Variants in PDZRN4 observed in about 807,000 individuals in gnomAD.
PDZRN4 encodes the protein PDZ domain containing ring finger 4.
PDZRN4 carries 70 observed loss-of-function variants against 99.0 expected under a neutral mutation model. The observed-to-expected ratio is 0.71, with a 90% CI of 0.58 to 0.86. PDZRN4 has a LOEUF of 0.86. Ranked by LOEUF, PDZRN4 falls within the 40% of genes least tolerant of loss-of-function variation. The pLI is 0.00. For synonymous variants in PDZRN4, 551 were observed against 501.6 expected, an observed-to-expected ratio of 1.10 and a Z score of -1.32; for missense variants, 1,474 against 1,331.2, an observed-to-expected ratio of 1.11 and a Z score of -1.67.
intron 5 of PDZRN4, among the ~76,000 whole-genome samples, chr12:41,549,082 T>A (rs1939010450): frequency 6.6e-6 from 1 of 152,196 alleles, no homozygotes; most frequent in Admixed American, 6.5e-5. Flanking sequence ...TTCACTCTAG[T>A]GACAAATGAC....
At chr12:41,411,911 A>C (rs1223262689) in intron 3 of PDZRN4, 3 of 152,162 alleles carry the variant, frequency 2.0e-5, no homozygotes, top group Admixed American at 6.6e-5. Context: ...GTTGAGAAGA[A>C]AGGTTAGAGA....
intron 3 of PDZRN4, among the ~76,000 whole-genome samples, chr12:41,322,289 A>G (rs1033538270): frequency 1.3e-5 from 2 of 151,704 alleles, no homozygotes; most frequent in Middle Eastern, 3.2e-3. Context: ...GGCCTCCCAA[A>G]TGCTTGGATT....
In PDZRN4 at chr12:41,331,287, A is replaced by C. The variant is rs11180829; in HGVS notation, c.843+137099A>C. On this transcript the variant is annotated intron_variant, in intron 3 of 9. Transcript: ENST00000402685. Reference sequence around the variant, plus strand: ...TAAAGATGTTAAGTATATTCTTAATAATTTTCTATATTTCGGTAGGTTTAT... The same window carrying C: ...TAAAGATGTTAAGTATATTCTTAATCATTTTCTATATTTCGGTAGGTTTAT... 3.8e-3 allele frequency among the ~76,000 whole-genome samples: 586 copies of C among 152,222 alleles called. 18 individuals are homozygous for C. The East Asian group carries it at 0.09, about 23-fold the overall frequency.
chr12:41,341,542 T>C (rs1248597901), intron 3 of PDZRN4, among the ~76,000 whole-genome samples: 1 of 151,848 alleles, frequency 6.6e-6, no homozygotes, highest in Non-Finnish European at 1.5e-5. Context: ...GTAGCATTTC[T>C]ATGCACTAAT....
intron 7 of PDZRN4, among the ~76,000 whole-genome samples, chr12:41,561,177 A>G (rs1210500375): frequency 2.0e-5 from 3 of 152,204 alleles, no homozygotes; most frequent in Non-Finnish European, 2.9e-5. Context: ...AGAGTTAGAA[A>G]TACATATGAG....
intron 5 of PDZRN4, among the ~76,000 whole-genome samples, chr12:41,519,888 A>G (rs886934375): frequency 1.3e-5 from 2 of 152,064 alleles, no homozygotes; most frequent in Non-Finnish European, 2.9e-5. Context: ...TCAGGCCTAT[A>G]TAATGAAATG....
At chr12:41,512,823 A>G (rs1463800119) in intron 5 of PDZRN4, among the ~76,000 whole-genome samples, 3 of 152,020 alleles carry the variant, frequency 2.0e-5, no homozygotes, top group Non-Finnish European at 4.4e-5. Context: ...TGTGCCTCAG[A>G]GCTTCAATAT....
At chr12:41,515,773 C>A (rs1439568398) in intron 5 of PDZRN4, among the ~76,000 whole-genome samples, 1 of 151,976 alleles carries the variant, frequency 6.6e-6, no homozygotes, top group Non-Finnish European at 1.5e-5. Context: ...TGTCTTGTAG[C>A]CAGTCCCTAG....
intron 3 of PDZRN4, among the ~76,000 whole-genome samples, chr12:41,501,986 T>C (rs183045848): frequency 2.0e-5 from 3 of 152,292 alleles, no homozygotes; most frequent in South Asian, 4.1e-4. Flanking sequence ...CCACTTTTTT[T>C]CTAATCCTAC....
chr12:41,503,225 A>T (rs945970928), intron 3 of PDZRN4, among the ~76,000 whole-genome samples: 1 of 152,172 alleles, frequency 6.6e-6, no homozygotes, highest in Non-Finnish European at 1.5e-5. Context: ...TTTGAGAGAT[A>T]TTAAATAGCT....
chr12:41,424,152 ATTAGC>A (rs1952514717), intron 3 of PDZRN4, among the ~76,000 whole-genome samples: 2 of 152,196 alleles, frequency 1.3e-5, no homozygotes. Flanking sequence ...TTGATAAGGA[ATTAGC>A]TTAAACTACT....
chr12:41,397,451 A>G (rs1351232340), intron 3 of PDZRN4, among the ~76,000 whole-genome samples: 1 of 152,204 alleles, frequency 6.6e-6, no homozygotes, highest in Admixed American at 6.6e-5. Flanking sequence ...TGGAATAAAA[A>G]TGGCCAATCA....
At chr12:41,402,817 T>C (rs1189827032) in intron 3 of PDZRN4, among the ~76,000 whole-genome samples, 1 of 151,498 alleles carries the variant, frequency 6.6e-6, no homozygotes, top group Non-Finnish European at 1.5e-5. Flanking sequence ...AATAAAAAAC[T>C]AAGCTATTTG....
chr12:41,431,575 G>GT (rs1455047505), intron 3 of PDZRN4, among the ~76,000 whole-genome samples: 1 of 152,212 alleles, frequency 6.6e-6, no homozygotes. Flanking sequence ...CTCAGAGCAT[G>GT]TAAGTTGTAC....
intron 3 of PDZRN4, among the ~76,000 whole-genome samples, chr12:41,470,567 T>C (rs1952978047): frequency 6.6e-6 from 1 of 152,086 alleles, no homozygotes; most frequent in South Asian, 2.1e-4. Context: ...TTGTTACATA[T>C]GTATACATGT....
At chr12:41,201,186 C>T (rs1206369234) in intron 3 of PDZRN4, among the ~76,000 whole-genome samples, 3 of 148,986 alleles carry the variant, frequency 2.0e-5, no homozygotes, top group Admixed American at 6.7e-5. Context: ...AAACCCTCTA[C>T]TATCGTTTCG....
intron 3 of PDZRN4, among the ~76,000 whole-genome samples, chr12:41,405,461 G>A (rs1295668652): frequency 9.9e-5 from 15 of 152,134 alleles, no homozygotes; most frequent in African/African-American, 1.4e-4. Flanking sequence ...ATGCTGGCAA[G>A]GCTGCAGAGA....
chr12:41,564,241 G>A (rs145686432), intron 8 of PDZRN4, among the ~76,000 whole-genome samples: 262 of 152,270 alleles, frequency 1.7e-3, no homozygotes, highest in Middle Eastern at 0.014. Flanking sequence ...TAAATGAATT[G>A]TTTCCAAGTT....
chr12:41,264,656 G>A (rs1951264860), intron 3 of PDZRN4, among the ~76,000 whole-genome samples: 1 of 151,974 alleles, frequency 6.6e-6, no homozygotes, highest in African/African-American at 2.4e-5. Flanking sequence ...TTTATATTTA[G>A]AGCTGTAAAA....
Sources: gnomAD v4.1 joint callset for allele counts (sites outside exome capture counted in the v4.1 genomes callset) on GRCh38, gnomAD v4.1.1 for gene constraint, MANE v1.5 for transcripts, NCBI Gene and HGNC (gene_info 2026-07-23, HGNC 2026-07-21) for gene names.